Variants in AK5 observed in about 807,000 individuals in gnomAD.
The protein encoded by AK5 is adenylate kinase 5.
A neutral mutation model predicts 69.5 loss-of-function variants in AK5; 27 were observed. That is an observed-to-expected ratio of 0.39 (90% CI 0.29 to 0.54). The LOEUF (loss-of-function observed/expected upper bound fraction) is 0.54, where lower values mean the gene tolerates loss of function less well. AK5 is among the 20% of genes least tolerant of loss of function. The pLI, the probability that AK5 is intolerant of heterozygous loss-of-function variation, is 0.71. For synonymous variants in AK5, 260 were observed against 244.4 expected (o/e 1.06, Z -0.60); for missense variants, 531 against 700.4 (o/e 0.76, Z 2.73).
rs984599030 is a variant in AK5 at position 77,346,558 on chromosome 1, G to A, written c.891+5990G>A. On this transcript the variant is annotated intron_variant, in intron 6 of 13. Transcript: ENST00000354567. The stretch of plus-strand genomic sequence containing the variant: ...GTTGCCCAGGCTGAAGTGCAGTGGC[G>A]TGACCTCAGCTCACTGCAACCTCTG... Among the ~76,000 whole-genome samples the A allele has an allele frequency of 3.3e-5, 5 of 152,222 alleles. No homozygotes were observed. The East Asian group carries it at 5.8e-4, about 18-fold the overall frequency.
At chr1:77,363,722 C>T (rs999719198) in intron 6 of AK5, among the ~76,000 whole-genome samples, 2 of 152,118 alleles carry the variant, frequency 1.3e-5, no homozygotes, top group African/African-American at 4.8e-5. Flanking sequence ...TGCTTCCATG[C>T]TGTGCCCTGA....
chr1:77,358,936 A>T (rs1371552780), intron 6 of AK5, among the ~76,000 whole-genome samples: 1 of 151,988 alleles, frequency 6.6e-6, no homozygotes, highest in Non-Finnish European at 1.5e-5. Context: ...AAAACAAAAA[A>T]AAAAGAAGAA....
intron 6 of AK5, among the ~76,000 whole-genome samples, chr1:77,396,390 C>T (rs1196844487): frequency 8.5e-5 from 13 of 152,142 alleles, no homozygotes; most frequent in Admixed American, 8.5e-4. Flanking sequence ...ACAAAGAGCC[C>T]AGTAGCCCAG....
chr1:77,367,962 A>G (rs1188156163), intron 6 of AK5, among the ~76,000 whole-genome samples: 5 of 104,464 alleles, frequency 4.8e-5, no homozygotes, highest in African/African-American at 6.9e-5. Context: ...ATATATATAT[A>G]GCTTCAGAGC....
chr1:77,436,007 C>T (rs1054035235), intron 8 of AK5, among the ~76,000 whole-genome samples: 1 of 152,170 alleles, frequency 6.6e-6, no homozygotes, highest in African/African-American at 2.4e-5. Flanking sequence ...CCTATACATT[C>T]GCTTTTTAAA....
chr1:77,369,580 A>G (rs1647081240), intron 6 of AK5, among the ~76,000 whole-genome samples: 1 of 150,476 alleles, frequency 6.6e-6, no homozygotes, highest in Admixed American at 6.7e-5. Context: ...TCCTATATCA[A>G]CTGATCATGA....
intron 13 of AK5, among the ~76,000 whole-genome samples, chr1:77,538,340 A>G (rs1208179132): frequency 5.3e-5 from 8 of 150,940 alleles, no homozygotes; most frequent in Admixed American, 5.3e-4. Context: ...CTGTCTCTCA[A>G]AAAAAAACAA....
intron 11 of AK5, among the ~76,000 whole-genome samples, chr1:77,519,317 T>C (rs1395314905): frequency 6.6e-6 from 1 of 152,182 alleles, no homozygotes; most frequent in Non-Finnish European, 1.5e-5. Context: ...CAGAGCTGTC[T>C]GATTTCTCTA....
At chr1:77,473,527 G>A (rs960678257) in intron 8 of AK5, among the ~76,000 whole-genome samples, 6 of 152,002 alleles carry the variant, frequency 3.9e-5, no homozygotes, top group African/African-American at 9.7e-5. Flanking sequence ...GGACAGCTAC[G>A]GACATTAAAC....
chr1:77,302,788 T>C (rs901517217), intron 5 of AK5, among the ~76,000 whole-genome samples: 1 of 152,224 alleles, frequency 6.6e-6, no homozygotes, highest in Admixed American at 6.5e-5. Flanking sequence ...AATATGTTGC[T>C]AAACGCAGCA....
chr1:77,493,286 G>A (rs1417256102), intron 10 of AK5, among the ~76,000 whole-genome samples: 1 of 151,854 alleles, frequency 6.6e-6, no homozygotes, highest in African/African-American at 2.4e-5. Context: ...TCTCTCTTCT[G>A]GAGCTGGGTC....
chr1:77,349,981 T>C (rs1463745828), intron 6 of AK5, among the ~76,000 whole-genome samples: 6 of 152,204 alleles, frequency 3.9e-5, no homozygotes, highest in Non-Finnish European at 8.8e-5. Flanking sequence ...TGGCACCCTT[T>C]TCATCAGACA....
chr1:77,471,644 A>G (rs563957705), intron 8 of AK5, among the ~76,000 whole-genome samples: 1 of 152,338 alleles, frequency 6.6e-6, no homozygotes, highest in East Asian at 1.9e-4. Flanking sequence ...CCCCAAAGAT[A>G]TCCAATGCAA....
At position 77,440,289 on chromosome 1, in the gene AK5, A is replaced by G. The variant is rs145486727; in HGVS notation, c.1059+22574A>G. ...GACAATTTTTTGCCATTCTTTGAAT[A>G]TGTCATCTCATTTTCTTCTGGCCTA... On this transcript the variant is annotated intron_variant, in intron 8 of 13. Coordinates refer to ENST00000354567, the MANE Select transcript of AK5 (RefSeq NM_174858.3). 4.2e-3 allele frequency among the ~76,000 whole-genome samples: 637 copies of G among 152,262 alleles called. 18 individuals carry two copies. The highest frequency in any genetic ancestry group is 0.031 in the East Asian group (160 of 5,178).
Position 77,367,577 on chromosome 1 carries a change from A to AT in AK5, c.891+27010dup. ...TATTTTTATATATATATATATATAT[A>AT]TAATATATATGTTATATATGTAATA... is the stretch of plus-strand genomic sequence containing the variant. On this transcript the variant is annotated intron_variant, in intron 6 of 13. Transcript: ENST00000354567. Among the ~76,000 whole-genome samples the AT allele has an allele frequency of 2.2e-4, 2 of 8,996 alleles. 1 individual carries two copies. The highest frequency in any genetic ancestry group is 4.6e-3 in the Admixed American group (2 of 434). 5.9% of individuals were successfully genotyped at this position (8,996 alleles called of 152,430 possible).
chr1:77,341,528 T>G (rs1159797498), intron 6 of AK5, among the ~76,000 whole-genome samples: 2 of 152,118 alleles, frequency 1.3e-5, no homozygotes, highest in Non-Finnish European at 2.9e-5. Flanking sequence ...ACATAAAGAC[T>G]TTTTTTCACA....
chr1:77,486,509 C>A (rs991331228), intron 10 of AK5, among the ~76,000 whole-genome samples, 157 bp downstream of exon 10: 1 of 151,980 alleles, frequency 6.6e-6, no homozygotes, highest in Non-Finnish European at 1.5e-5. Context: ...TCCTGGCTAA[C>A]ACAGTGAAAC....
intron 2 of AK5, among the ~76,000 whole-genome samples, chr1:77,289,892 A>C (rs948978499): frequency 6.7e-6 from 1 of 149,242 alleles, no homozygotes; most frequent in Non-Finnish European, 1.5e-5. Flanking sequence ...AAAAAAAGTC[A>C]ATTACAAATT....
chr1:77,496,234 G>A (rs17380592), intron 10 of AK5, among the ~76,000 whole-genome samples: 11,342 of 152,298 alleles, frequency 0.074, 561 homozygotes, highest in Middle Eastern at 0.15. Context: ...CAAGGACTGA[G>A]GGAATGGTGT....
Sources: gnomAD v4.1 joint callset for allele counts (sites outside exome capture counted in the v4.1 genomes callset) on GRCh38, gnomAD v4.1.1 for gene constraint, MANE v1.5 for transcripts, NCBI Gene and HGNC (gene_info 2026-07-23, HGNC 2026-07-21) for gene names.